SUPT3H: variants seen among roughly 807,000 people sequenced by gnomAD.
SUPT3H encodes SPT3 homolog, SAGA and STAGA complex component.
Under a neutral mutation model 44.3 loss-of-function variants are expected in SUPT3H, and 44 were observed. The ratio of observed to expected loss-of-function variants is 0.99; its 90% CI spans 0.78 to 1.28. The LOEUF (loss-of-function observed/expected upper bound fraction) is 1.28, where lower values mean the gene tolerates loss of function less well. Ranked by LOEUF, SUPT3H falls within the 50% of genes most tolerant of loss-of-function variation. The pLI, the probability that SUPT3H is intolerant of heterozygous loss-of-function variation, is 0.00. For synonymous variants in SUPT3H, 124 were observed against 125.6 expected (o/e 0.99, Z 0.09); for missense variants, 380 against 387.1 (o/e 0.98, Z 0.15).
intron 2 of SUPT3H, among the ~76,000 whole-genome samples, chr6:45,259,596 C>G (rs551610696): frequency 6.6e-6 from 1 of 150,646 alleles, no homozygotes; most frequent in South Asian, 2.1e-4. Context: ...AGTCTCATTG[C>G]AGGATAAGAC....
intron 3 of SUPT3H, among the ~76,000 whole-genome samples, chr6:45,092,774 A>T (rs1229597192): frequency 2.1e-5 from 3 of 145,212 alleles, no homozygotes; most frequent in Non-Finnish European, 4.5e-5. Context: ...AAAAAAAATT[A>T]AGTCAATTTT....
intron 2 of SUPT3H, among the ~76,000 whole-genome samples, chr6:45,138,834 C>T (rs1002128627): frequency 6.6e-6 from 1 of 152,126 alleles, no homozygotes; most frequent in Non-Finnish European, 1.5e-5. Context: ...ACACTTATGA[C>T]AGTGAATTTT....
At chr6:45,305,107 T>A (rs1782781924) in intron 2 of SUPT3H, among the ~76,000 whole-genome samples, 1 of 152,202 alleles carries the variant, frequency 6.6e-6, no homozygotes, top group Non-Finnish European at 1.5e-5. Context: ...TTCCAGAGAA[T>A]GACATGGCTA....
intron 10 of SUPT3H, among the ~76,000 whole-genome samples, chr6:44,855,014 C>T (rs1013918572): frequency 2.6e-5 from 4 of 152,170 alleles, no homozygotes; most frequent in African/African-American, 7.2e-5. Flanking sequence ...TGAAAACAAT[C>T]ATAGAGTTCA....
chr6:44,830,636 A>G (rs1034840963), intron 10 of SUPT3H, among the ~76,000 whole-genome samples: 1 of 152,182 alleles, frequency 6.6e-6, no homozygotes, highest in Admixed American at 6.5e-5. Context: ...GAATTCCACC[A>G]TAAGACCCAG....
chr6:44,942,314 T>C (rs1248426297), intron 9 of SUPT3H, among the ~76,000 whole-genome samples: 1 of 151,780 alleles, frequency 6.6e-6, no homozygotes, highest in Non-Finnish European at 1.5e-5. Flanking sequence ...AAACCAAGTA[T>C]ATGAAAGCAC....
intron 2 of SUPT3H, among the ~76,000 whole-genome samples, chr6:45,158,046 T>TTTATAATTTATTTATAAATTA (rs979079860): frequency 6.8e-6 from 1 of 147,268 alleles, no homozygotes; most frequent in African/African-American, 2.5e-5. Flanking sequence ...AAGAATCACA[T>TTTATAATTTATTTATAAATTA]TTATAATTTA....
intron 2 of SUPT3H, among the ~76,000 whole-genome samples, chr6:45,225,726 G>A (rs1766828240): frequency 6.6e-6 from 1 of 152,074 alleles, no homozygotes; most frequent in South Asian, 2.1e-4. Context: ...AGAGTCTGCT[G>A]TAGAATAAAA....
At chr6:45,318,725 T>C (rs974205347) in intron 2 of SUPT3H, among the ~76,000 whole-genome samples, 8 of 152,138 alleles carry the variant, frequency 5.3e-5, no homozygotes, top group Non-Finnish European at 8.8e-5. Context: ...TTCAAAAATA[T>C]GCCATCTTTA....
chr6:45,245,603 GA>G (rs1321372837), intron 2 of SUPT3H, among the ~76,000 whole-genome samples: 2 of 152,074 alleles, frequency 1.3e-5, no homozygotes, highest in Non-Finnish European at 2.9e-5. Context: ...CATGACGCAA[GA>G]AGTTCAAAAT....
chr6:44,831,493 GAAAC>G (rs1204343866), intron 10 of SUPT3H, among the ~76,000 whole-genome samples: 1 of 152,194 alleles, frequency 6.6e-6, no homozygotes, highest in Non-Finnish European at 1.5e-5. Flanking sequence ...CTCAGTCTGT[GAAAC>G]AAACAGCTCC....
intron 2 of SUPT3H, among the ~76,000 whole-genome samples, chr6:45,217,275 G>GACCA (rs928746400): frequency 6.6e-6 from 1 of 151,722 alleles, no homozygotes; most frequent in African/African-American, 2.4e-5. Flanking sequence ...AGGAGTCCAA[G>GACCA]ACCAACCTGA....
At chr6:45,236,781 G>C (rs1584424862) in intron 2 of SUPT3H, among the ~76,000 whole-genome samples, 3 of 151,944 alleles carry the variant, frequency 2.0e-5, no homozygotes, top group African/African-American at 7.2e-5. Context: ...CTACATTTGA[G>C]CCTTTTCCTT....
intron 2 of SUPT3H, among the ~76,000 whole-genome samples, chr6:45,190,770 C>T (rs1033767326): frequency 3.3e-5 from 5 of 151,908 alleles, no homozygotes; most frequent in African/African-American, 9.7e-5. Flanking sequence ...AACATGGGCC[C>T]GAAGATCTGA....
At position 45,245,416 on chromosome 6, in the gene SUPT3H, G is replaced by A. The variant is rs187383817; in HGVS notation, c.101+119785C>T. ...CAGAAATTTTCTATCATACCAAGCT[G>A]AAACTCCACACCTATTAATCAAAAG... On this transcript the variant is annotated intron_variant, in intron 2 of 10. Coordinates refer to ENST00000371459, the MANE Select transcript of SUPT3H (RefSeq NM_003599.4). 4.6e-3 allele frequency among the ~76,000 whole-genome samples: 693 copies of A among 152,106 alleles called. 2 individuals are homozygous for A. Among genetic ancestry groups the A allele is most frequent in the Non-Finnish European group, 7.4e-3 (501 of 67,932 alleles).
chr6:45,281,914 A>G (rs1430328612), intron 2 of SUPT3H, among the ~76,000 whole-genome samples: 1 of 152,204 alleles, frequency 6.6e-6, no homozygotes, highest in East Asian at 1.9e-4. Flanking sequence ...ATCAGGCAAC[A>G]ACATTTGCTG....
At chr6:45,305,971 C>T (rs772700448) in intron 2 of SUPT3H, among the ~76,000 whole-genome samples, 1 of 152,346 alleles carries the variant, frequency 6.6e-6, no homozygotes, top group Middle Eastern at 3.4e-3. Context: ...ACCTAGGAGC[C>T]TCTCTAATTC....
At chr6:44,980,034 A>G (rs1364467820) in intron 6 of SUPT3H, among the ~76,000 whole-genome samples, 1 of 152,144 alleles carries the variant, frequency 6.6e-6, no homozygotes, top group Non-Finnish European at 1.5e-5. Context: ...TGCTTAGGCA[A>G]GATCAAAGTT....
In SUPT3H at chr6:45,174,200, A is replaced by G. The variant is rs145938581; in HGVS notation, c.102-68194T>C. Among the ~76,000 whole-genome samples the G allele has an allele frequency of 2.5e-3, 386 of 152,342 alleles. 4 individuals are homozygous for G. The highest frequency in any genetic ancestry group is 8.8e-3 in the African/African-American group (365 of 41,584). On this transcript the variant is annotated intron_variant, in intron 2 of 10. Coordinates refer to ENST00000371459, the MANE Select transcript of SUPT3H (RefSeq NM_003599.4). ...CTGAACAGTGGTTACAGTGGTTAAG[A>G]GTCAACAGTTTTAATATGGGTTGTC... is the stretch of plus-strand genomic sequence containing the variant.
Sources: allele counts gnomAD v4.1 joint callset (sites outside exome capture counted in the v4.1 genomes callset), GRCh38; gene constraint gnomAD v4.1.1; transcripts MANE v1.5; gene names NCBI Gene and HGNC (gene_info 2026-07-23, HGNC 2026-07-21).